Variants in EPHA2 observed in about 807,000 individuals in gnomAD.
EPHA2 encodes EPH receptor A2, also known as ephrin type-A receptor 2.
Under a neutral mutation model 104.9 loss-of-function variants are expected in EPHA2, and 54 were observed. The observed-to-expected ratio is 0.51, with a 90% confidence interval of 0.41 to 0.65. The LOEUF is 0.65. Ranked by LOEUF, EPHA2 falls within the 30% of genes least tolerant of loss-of-function variation. EPHA2 has a pLI of 0.00. For synonymous variants in EPHA2, 560 were observed against 559.1 expected (o/e 1.00, Z -0.02); for missense variants, 1,117 against 1,369.5 (o/e 0.82, Z 2.91).
Position 16,130,333 on chromosome 1 carries a change from C to A in EPHA2, c.2562G>T (p.Trp854Cys). Reference sequence around the variant, plus strand: ...TGGGGCGGCGGGCACGCTCCTGCTGCCAGCACTGCATCATGAGCTGGTAGA... The same window carrying A: ...TGGGGCGGCGGGCACGCTCCTGCTGACAGCACTGCATCATGAGCTGGTAGA... ...SAIYQLMMQCWQQERARRPKF... is the reference protein window; with the variant it reads ...SAIYQLMMQCCQQERARRPKF... The change falls in exon 15 of 17, where the codon TGG becomes TGT. Residue 854 changes from tryptophan to cysteine, a missense_variant. Transcript: ENST00000358432. The surrounding 1 kb of genome is among the most constrained non-coding windows in gnomAD (Gnocchi z 4.5). 6.2e-7 allele frequency: 1 copy of A among 1,602,290 alleles called. No homozygotes were observed. Among genetic ancestry groups the A allele is most frequent in the Non-Finnish European group, 8.5e-7 (1 of 1,171,642 alleles).
At position 16,134,070 on chromosome 1, in the gene EPHA2, G is replaced by T. The variant is rs1412027846; in HGVS notation, c.1683-155C>A. 6.6e-6 allele frequency among the ~76,000 whole-genome samples: 1 copy of T among 152,132 alleles called. No homozygotes were observed. The highest frequency in any genetic ancestry group is 6.5e-5 in the Admixed American group (1 of 15,286). ...TTGCTGCCCAAGCTCCACTCTCAGG[G>T]CCGAGGGTGCGGAGAAGGCGGGTGG... On this transcript the variant is annotated intron_variant, in intron 8 of 16. Coordinates refer to ENST00000358432, the MANE Select transcript of EPHA2 (RefSeq NM_004431.5). The surrounding 1 kb of genome is among the most constrained non-coding windows in gnomAD (Gnocchi z 4.5).
chr1:16,148,907 G>T lies in EPHA2; in HGVS notation c.294C>A (p.Leu98=). 1 of 1,614,150 alleles carries T rather than the reference G, an allele frequency of 6.2e-7. No homozygotes were observed. The highest frequency in any genetic ancestry group is 8.5e-7 in the Non-Finnish European group (1 of 1,180,042). ...TGTTGCAGTCACGTACAGTAAACTTGAGCTCAATGAAGATACGCTCAGCCT... is the reference window on the plus strand; with the variant it reads ...TGTTGCAGTCACGTACAGTAAACTTTAGCTCAATGAAGATACGCTCAGCCT... The part of the protein sequence containing the change: ...RGEAERIFIE[L]KFTVRDCNSF... Residue 98 remains leucine, a synonymous_variant, in exon 3 of 17, where the codon CTC becomes CTA. Transcript: ENST00000358432. The surrounding 1 kb of genome is among the most constrained non-coding windows in gnomAD (Gnocchi z 4.9).
chr1:16,126,543 A>G (rs2024472613), intron 16 of EPHA2, among the ~76,000 whole-genome samples: 2 of 152,320 alleles, frequency 1.3e-5, no homozygotes, highest in South Asian at 4.1e-4. Context: ...GAAGGCCGAG[A>G]CATTTGGGAC....
At chr1:16,139,457 T>A (rs1257005124) in intron 3 of EPHA2, among the ~76,000 whole-genome samples, 1 of 152,220 alleles carries the variant, frequency 6.6e-6, no homozygotes, top group East Asian at 1.9e-4. Context: ...CTCTGCTCTG[T>A]GCCTGGCCCA....
chr1:16,143,812 T>G (rs1569591977), intron 3 of EPHA2, among the ~76,000 whole-genome samples: 1 of 152,146 alleles, frequency 6.6e-6, no homozygotes, highest in African/African-American at 2.4e-5. Flanking sequence ...CTCTGGGCCC[T>G]GACAGACGGC....
intron 1 of EPHA2, among the ~76,000 whole-genome samples, chr1:16,152,946 C>A (rs527446675): frequency 6.6e-6 from 1 of 152,274 alleles, no homozygotes; most frequent in East Asian, 1.9e-4. Flanking sequence ...GCGCTGGGTC[C>A]CTCCGCCCTG....
In EPHA2 at chr1:16,137,883, G is replaced by A. The variant is rs148381862; in HGVS notation, c.1282C>T (p.Arg428Cys). The change falls in exon 5 of 17, where the codon CGT becomes TGT. Residue 428 changes from arginine (R) to cysteine (C), a missense_variant. Physicochemically the swap from Arg to Cys is radical, Grantham distance 180. Transcript: ENST00000358432. Reference sequence around the variant, plus strand: ...TGGTTGATGCTGACACTGGCAGTACGGAAGCTGCGGCTGGTTACCAGGCCT... The same window carrying A: ...TGGTTGATGCTGACACTGGCAGTACAGAAGCTGCGGCTGGTTACCAGGCCT... ...VSGLVTSRSFRTASVSINQTE... is the reference protein window; with the variant it reads ...VSGLVTSRSFCTASVSINQTE... The A allele has an allele frequency of 5.2e-5, 84 of 1,613,800 alleles. No individual in the cohort carries two copies. The highest frequency in any genetic ancestry group is 1.6e-4 in the East Asian group (7 of 44,896).
At position 16,133,906 on chromosome 1, in the gene EPHA2, G is replaced by A. The variant is rs2024630712; in HGVS notation, c.1692C>T (p.Asn564=). 1.9e-6 allele frequency: 3 copies of A among 1,550,814 alleles called. No individual in the cohort carries two copies. The highest frequency in any genetic ancestry group is 1.7e-4 in the Middle Eastern group (1 of 5,980). ...VGFFIHRRRK[N]QRARQSPEDV... The stretch of plus-strand genomic sequence containing the variant: ...CCTCCGGGGACTGGCGGGCACGCTG[G>A]TTCTTCCTCCTGAAAGAGCCCCACG... The change falls in exon 9 of 17, where the codon AAC becomes AAT. Residue 564 remains asparagine, a synonymous_variant. Coordinates refer to ENST00000358432, the MANE Select transcript of EPHA2 (RefSeq NM_004431.5).
At position 16,125,147 on chromosome 1, in the gene EPHA2, C is replaced by T. The variant is rs2024440314; in HGVS notation, c.*68G>A. 2 of 1,432,714 alleles carry T rather than the reference C, an allele frequency of 1.4e-6. No individual in the cohort carries two copies. Among genetic ancestry groups the T allele is most frequent in the African/African-American group, 1.4e-5 (1 of 71,186 alleles). The allele number at this position is 1,432,714 out of a possible 1,614,324, so 88.8% of individuals were successfully genotyped here. On this transcript the variant is annotated 3_prime_UTR_variant, in exon 17 of 17. Coordinates refer to ENST00000358432, the MANE Select transcript of EPHA2 (RefSeq NM_004431.5). The surrounding 1 kb of genome is among the most constrained non-coding windows in gnomAD (Gnocchi z 4.9). ...TAAAGTCCCCAGTGGCCCAGCATGGCACAGCAGGGAGGCCACTCTGTTTCT... is the reference window on the plus strand; with the variant it reads ...TAAAGTCCCCAGTGGCCCAGCATGGTACAGCAGGGAGGCCACTCTGTTTCT...
Position 16,148,819 on chromosome 1 carries a change from G to C in EPHA2, c.382C>G (p.Leu128Val). The change falls in exon 3 of 17, where the codon CTG becomes GTG. Residue 128 changes from leucine to valine, a missense_variant. Leu to Val is a conservative substitution (Grantham distance 32). Around this residue, in one of 3 missense-constraint regions of EPHA2, gnomAD observed 664 missense variants for 784.8 expected, o/e 0.85. Coordinates refer to ENST00000358432, the MANE Select transcript of EPHA2 (RefSeq NM_004431.5). The surrounding 1 kb of genome is among the most constrained non-coding windows in gnomAD (Gnocchi z 4.9). ...TTCTGGAAGTTGGTGCCGTAGTCCA[G>C]GTCCGACTCGGCATAGTAGAGGTTG... The part of the protein sequence containing the change: ...TFNLYYAESD[L>V]DYGTNFQKRL... 6.2e-6 allele frequency: 10 copies of C among 1,614,162 alleles called. No individual in the cohort carries two copies. Among genetic ancestry groups the C allele is most frequent in the Non-Finnish European group, 8.5e-6 (10 of 1,180,044 alleles).
chr1:16,125,168 TTTC>T lies in EPHA2; in HGVS notation c.*44_*46del, dbSNP rs1318906063. 5.1e-6 allele frequency: 8 copies of T among 1,567,052 alleles called. No homozygotes were observed. The highest frequency in any genetic ancestry group is 7.0e-6 in the Non-Finnish European group (8 of 1,142,172). On this transcript the variant is annotated 3_prime_UTR_variant, in exon 17 of 17. Transcript: ENST00000358432. This position sits in a 1 kb window ranked among gnomAD's most constrained non-coding sequence, Gnocchi z 4.9. ...ATGGCACAGCAGGGAGGCCACTCTG[TTTC>T]TTCAAGTATTCTTGGCCGATGGGGC...
At chr1:16,142,042 G>A (rs2024833148) in intron 3 of EPHA2, among the ~76,000 whole-genome samples, 1 of 152,112 alleles carries the variant, frequency 6.6e-6, no homozygotes, top group East Asian at 1.9e-4. Context: ...ATTCTAGGCG[G>A]GCAAGTGGGG....
rs761251624 is a variant in EPHA2, at chr1:16,138,445, A to C, written c.824-15T>G. The C allele has an allele frequency of 1.2e-5, 19 of 1,613,164 alleles. No homozygotes were observed. The highest frequency in any genetic ancestry group is 1.7e-5 in the Admixed American group (1 of 60,006). ...AGGCGAGCAGGCTGGTGGACACAGGACAGACAGAGCACAAGGACATCAGTT... is the reference window on the plus strand; with the variant it reads ...AGGCGAGCAGGCTGGTGGACACAGGCCAGACAGAGCACAAGGACATCAGTT... On this transcript the variant is annotated splice_polypyrimidine_tract_variant and intron_variant, in intron 3 of 16. Coordinates refer to ENST00000358432, the MANE Select transcript of EPHA2 (RefSeq NM_004431.5).
At chr1:16,151,866 C>T (rs892175210) in intron 1 of EPHA2, among the ~76,000 whole-genome samples, 5 of 152,140 alleles carry the variant, frequency 3.3e-5, no homozygotes, top group Admixed American at 2.6e-4. Flanking sequence ...TGGAGCCTGG[C>T]GGAGGGATAC....
Position 16,134,403 on chromosome 1 carries a change from T to G in EPHA2, c.1682+65A>C. 1.3e-6 allele frequency: 2 copies of G among 1,522,398 alleles called. No individual in the cohort carries two copies. The highest frequency in any genetic ancestry group is 1.8e-6 in the Non-Finnish European group (2 of 1,100,952). The allele number at this position is 1,522,398 out of a possible 1,614,324, so 94.3% of individuals were successfully genotyped here. A position where few individuals can be genotyped will look rare whatever the true frequency, so the allele number is the denominator to read the frequency against. On this transcript the variant is annotated intron_variant, in intron 8 of 16. Transcript: ENST00000358432. This position sits in a 1 kb window ranked among gnomAD's most constrained non-coding sequence, Gnocchi z 4.5. The stretch of plus-strand genomic sequence containing the variant: ...GGGCCCCATCGTTCAGATGAGGAAA[T>G]GGAGGTTCCTGCCCCATTTTCCCAC...
chr1:16,125,406 G>A lies in EPHA2; in HGVS notation c.2826-86C>T. On this transcript the variant is annotated intron_variant, in intron 16 of 16. Transcript: ENST00000358432. This position sits in a 1 kb window ranked among gnomAD's most constrained non-coding sequence, Gnocchi z 4.9. The stretch of plus-strand genomic sequence containing the variant: ...GGGTGGGGACAGGACTCGGTGGGCG[G>A]CTGGGGAGGGGAGTGGAGGGAGGCA... The A allele has an allele frequency of 8.5e-6, 8 of 942,920 alleles. No homozygotes were observed. The highest frequency in any genetic ancestry group is 1.2e-5 in the Non-Finnish European group (8 of 643,352). 58.4% of individuals were successfully genotyped at this position (942,920 alleles called of 1,614,324 possible).
At position 16,134,485 on chromosome 1, in the gene EPHA2, G is replaced by A. The variant is rs55660973; in HGVS notation, c.1665C>T (p.Gly555=). The part of the protein sequence containing the change: ...VVLLLVLAGV[G]FFIHRRRKNQ... ...TGACGAACCTGCGGTGGATAAAGAA[G>A]CCAACTCCTGCCAGCACCAGAAGCA... The change falls in exon 8 of 17, where the codon GGC becomes GGT. Residue 555 remains glycine, a synonymous_variant. Coordinates refer to ENST00000358432, the MANE Select transcript of EPHA2 (RefSeq NM_004431.5). The surrounding 1 kb of genome is among the most constrained non-coding windows in gnomAD (Gnocchi z 4.5). The A allele has an allele frequency of 3.8e-5, 61 of 1,614,110 alleles. No homozygotes were observed. The East Asian group carries it at 1.3e-3, about 35-fold the overall frequency.
In EPHA2 at chr1:16,149,326, T is replaced by C. The variant is rs550164322; in HGVS notation, c.154-279A>G. Among the ~76,000 whole-genome samples the C allele has an allele frequency of 2.6e-5, 4 of 152,298 alleles. No homozygotes were observed. In the East Asian group the frequency reaches 7.7e-4, roughly 29 times the overall value. On this transcript the variant is annotated intron_variant, in intron 2 of 16. Transcript: ENST00000358432. The stretch of plus-strand genomic sequence containing the variant: ...ACTCCATGTGACCTCAGGTGGGTTA[T>C]GCTCTCTAAGCCGCAATTTCCTCAT...
chr1:16,150,959 T>G lies in EPHA2; in HGVS notation c.90A>C (p.Val30=). The G allele has an allele frequency of 6.2e-7, 1 of 1,613,978 alleles. No individual in the cohort carries two copies. The highest frequency in any genetic ancestry group is 8.5e-7 in the Non-Finnish European group (1 of 1,179,966). The change falls in exon 2 of 17, where the codon GTA becomes GTC. Residue 30 remains valine (V), a synonymous_variant. Transcript: ENST00000358432. The surrounding 1 kb of genome is among the most constrained non-coding windows in gnomAD (Gnocchi z 4.8). ...AAAAAQGKEV[V]LLDFAAAGGE... Reference sequence around the variant, plus strand: ...CTCCAGCTGCAGCAAAGTCCAGCAGTACCACTGAAAGGGAGAAGGGAGAGG... The same window carrying G: ...CTCCAGCTGCAGCAAAGTCCAGCAGGACCACTGAAAGGGAGAAGGGAGAGG...
Sources: allele counts gnomAD v4.1 joint callset (sites outside exome capture counted in the v4.1 genomes callset), GRCh38; gene constraint gnomAD v4.1.1; regional missense constraint gnomAD v4.1.1; non-coding constraint Gnocchi (gnomAD v3.1); transcripts MANE v1.5; gene names NCBI Gene and HGNC (gene_info 2026-07-23, HGNC 2026-07-21).